STXBP5L: variants seen among roughly 807,000 people sequenced by gnomAD.
STXBP5L encodes the protein syntaxin binding protein 5L.
Under a neutral mutation model 144.5 loss-of-function variants are expected in STXBP5L, and 65 were observed. That is an observed-to-expected ratio of 0.45 (90% CI 0.37 to 0.55). STXBP5L has a LOEUF of 0.55. STXBP5L is among the 20% of genes least tolerant of loss of function. The pLI is 0.00. For missense variants in STXBP5L, 1,298 were observed against 1,405.5 expected (o/e 0.92, Z 1.22); for synonymous variants, 505 against 469.6 (o/e 1.08, Z -0.97).
intron 20 of STXBP5L, among the ~76,000 whole-genome samples, chr3:121,331,626 A>G (rs1366379572): frequency 1.3e-5 from 2 of 152,070 alleles, no homozygotes; most frequent in Admixed American, 1.3e-4. Flanking sequence ...TTCCTCCTGA[A>G]AAGACCACAG....
intron 9 of STXBP5L, among the ~76,000 whole-genome samples, chr3:121,200,341 T>C (rs2048089765): frequency 6.6e-6 from 1 of 152,192 alleles, no homozygotes. Flanking sequence ...CCCTTTATCA[T>C]TTCTTATTGC....
intron 5 of STXBP5L, among the ~76,000 whole-genome samples, chr3:121,102,502 T>A (rs2107785686): frequency 6.6e-6 from 1 of 152,262 alleles, no homozygotes; most frequent in East Asian, 1.9e-4. Flanking sequence ...GATACTTGGC[T>A]ACCCATATGC....
intron 7 of STXBP5L, among the ~76,000 whole-genome samples, chr3:121,149,194 A>T (rs1271668179): frequency 1.3e-5 from 2 of 152,104 alleles, no homozygotes; most frequent in Non-Finnish European, 2.9e-5. Context: ...CTTCATCATA[A>T]TTCATTAAAT....
intron 19 of STXBP5L, among the ~76,000 whole-genome samples, chr3:121,310,564 G>A (rs902303836): frequency 5.3e-5 from 8 of 151,758 alleles, no homozygotes; most frequent in East Asian, 3.9e-4. Context: ...GTAGTGAGCC[G>A]AAATCGTGCC....
intron 3 of STXBP5L, among the ~76,000 whole-genome samples, chr3:121,034,109 A>G (rs540779644): frequency 4.2e-4 from 64 of 152,240 alleles, no homozygotes; most frequent in African/African-American, 1.4e-3. Context: ...TGATATAAAC[A>G]AAACATAAAA....
At chr3:121,209,722 G>T (rs2048481235) in intron 10 of STXBP5L, among the ~76,000 whole-genome samples, 1 of 152,102 alleles carries the variant, frequency 6.6e-6, no homozygotes, top group African/African-American at 2.4e-5. Context: ...TGAGAATGAT[G>T]GTTTCCAGCT....
chr3:121,308,406 C>G (rs1354521367), intron 19 of STXBP5L, among the ~76,000 whole-genome samples: 1 of 152,112 alleles, frequency 6.6e-6, no homozygotes, highest in East Asian at 1.9e-4. Context: ...GGAAGTTTTT[C>G]AGGCTGAAAG....
At chr3:121,340,759 TA>T (rs2044680044) in intron 20 of STXBP5L, among the ~76,000 whole-genome samples, 1 of 152,078 alleles carries the variant, frequency 6.6e-6, no homozygotes, top group Non-Finnish European at 1.5e-5. Context: ...ATACATTAAG[TA>T]GAAAGACCCA....
At chr3:120,992,570 G>T (rs1239978563) in intron 3 of STXBP5L, among the ~76,000 whole-genome samples, 2 of 151,926 alleles carry the variant, frequency 1.3e-5, no homozygotes, top group Admixed American at 6.6e-5. Flanking sequence ...TCTGTGACTG[G>T]CTGATTTTAC....
chr3:121,084,190 CTTA>C (rs2042383730), intron 5 of STXBP5L, among the ~76,000 whole-genome samples: 3 of 151,732 alleles, frequency 2.0e-5, no homozygotes, highest in Admixed American at 6.6e-5. Flanking sequence ...TGAGACTTTT[CTTA>C]TTATTATTGT....
chr3:121,306,957 T>C (rs2043356902), intron 19 of STXBP5L, among the ~76,000 whole-genome samples: 1 of 152,034 alleles, frequency 6.6e-6, no homozygotes. Context: ...AACAGCTGTA[T>C]ATGATATTAA....
chr3:121,262,212 G>A (rs929759365), intron 18 of STXBP5L, among the ~76,000 whole-genome samples: 42 of 152,158 alleles, frequency 2.8e-4, no homozygotes, highest in African/African-American at 9.7e-4. Flanking sequence ...ATAACATTGT[G>A]ACCTTGCTTC....
intron 3 of STXBP5L, among the ~76,000 whole-genome samples, chr3:121,015,588 C>G (rs74697069): frequency 6.6e-6 from 1 of 152,022 alleles, no homozygotes; most frequent in African/African-American, 2.4e-5. Flanking sequence ...TTCGGGAACC[C>G]CCAATACTTT....
intron 3 of STXBP5L, among the ~76,000 whole-genome samples, chr3:120,978,608 G>T (rs959679838): frequency 6.6e-6 from 1 of 152,206 alleles, no homozygotes; most frequent in Non-Finnish European, 1.5e-5. Flanking sequence ...TCCTTTGGAG[G>T]ATGAGAGGCA....
At position 121,419,231 on chromosome 3, in the gene STXBP5L, A is replaced by G. The variant is rs756302118; in HGVS notation, c.*134A>G. ...CATTTACAGTCAATCTGAAATTTTC[A>G]TAAAAGAGATGTATCAGAGACACTG... On this transcript the variant is annotated 3_prime_UTR_variant, in exon 27 of 27. Transcript: ENST00000471454. The G allele has an allele frequency of 1.1e-6, 1 of 889,182 alleles. No individual in the cohort carries two copies. The highest frequency in any genetic ancestry group is 1.7e-6 in the Non-Finnish European group (1 of 600,006). 55.1% of individuals were successfully genotyped at this position (889,182 alleles called of 1,614,324 possible). A position where few individuals can be genotyped will look rare whatever the true frequency, so the allele number is the denominator to read the frequency against.
chr3:121,004,747 GT>G (rs932493689), intron 3 of STXBP5L, among the ~76,000 whole-genome samples: 3 of 152,150 alleles, frequency 2.0e-5, no homozygotes, highest in African/African-American at 7.2e-5. Flanking sequence ...TTTTTTGAGA[GT>G]TTTTAGCATG....
chr3:121,379,132 G>T (rs2046265555), intron 21 of STXBP5L, among the ~76,000 whole-genome samples: 1 of 151,978 alleles, frequency 6.6e-6, no homozygotes, highest in Non-Finnish European at 1.5e-5. Flanking sequence ...TGTACAAAGG[G>T]AGACCTATGC....
At chr3:121,116,459 A>C (rs1324328725) in intron 6 of STXBP5L, among the ~76,000 whole-genome samples, 1 of 152,044 alleles carries the variant, frequency 6.6e-6, no homozygotes, top group African/African-American at 2.4e-5. Flanking sequence ...CCCTCATTAG[A>C]TTAGGAACTG....
intron 20 of STXBP5L, among the ~76,000 whole-genome samples, chr3:121,329,311 G>C (rs2044249610): frequency 6.6e-6 from 1 of 152,148 alleles, no homozygotes; most frequent in Admixed American, 6.6e-5. Flanking sequence ...TACAATTCCT[G>C]CTGACCTAAG....
Sources: allele counts gnomAD v4.1 joint callset (sites outside exome capture counted in the v4.1 genomes callset), GRCh38; gene constraint gnomAD v4.1.1; transcripts MANE v1.5; gene names NCBI Gene and HGNC (gene_info 2026-07-23, HGNC 2026-07-21).